Variants in TTC34 observed in about 807,000 individuals in gnomAD.
TTC34 encodes the protein tetratricopeptide repeat protein 34.
In TTC34, 44 loss-of-function variants were observed where a neutral mutation model predicts 40.7. The ratio of observed to expected loss-of-function variants is 1.08; its 90% CI spans 0.85 to 1.39. TTC34 has a LOEUF of 1.39. Ranked by LOEUF, TTC34 falls within the 40% of genes most tolerant of loss-of-function variation. The probability of loss-of-function intolerance (pLI) is 0.00; values close to 1 mark genes in which losing one functional copy is unlikely to be tolerated. For missense variants in TTC34, 884 were observed against 838.0 expected (o/e 1.05, Z -0.68); for synonymous variants, 422 against 398.6 (o/e 1.06, Z -0.70).
At chr1:2,765,766 G>A (rs1321620196) in intron 6 of TTC34, among the ~76,000 whole-genome samples, 2 of 40,454 alleles carry the variant, frequency 4.9e-5, no homozygotes, top group Non-Finnish European at 7.8e-5. Context: ...CCCCAGGTGA[G>A]CATGTGACAG....
exon 9 of TTC34, chr1:2,637,145 G>C (rs967625743): frequency 5.3e-5 from 8 of 152,022 alleles, no homozygotes; most frequent in African/African-American, 1.9e-4. Flanking sequence ...CATGCTGATT[G>C]GCTTCTGATT....
In TTC34 at chr1:2,641,695, A is replaced by C. The variant is rs1264357370; in HGVS notation, c.2913T>G (p.Gly971=). The change falls in exon 9 of 9, where the codon GGT becomes GGG. Residue 971 remains glycine, a synonymous_variant. Transcript: ENST00000401095. ...AGTCCTCTGCCCGCCTTGGGAGGTC[A>C]CCATCCCCCAGCGCCTCCTGGAGCA... is the stretch of plus-strand genomic sequence containing the variant. The C allele has an allele frequency of 9.1e-6, 14 of 1,535,448 alleles. No homozygotes were observed. The East Asian group carries it at 3.4e-4, about 38-fold the overall frequency.
At chr1:2,753,018 C>CGT (rs1641376230) in intron 6 of TTC34, among the ~76,000 whole-genome samples, 1 of 111,822 alleles carries the variant, frequency 8.9e-6, no homozygotes, top group African/African-American at 3.8e-5. Context: ...TCCTCACCTC[C>CGT]AGGTGAGCAT....
chr1:2,767,584 GT>G (rs1641808139), intron 6 of TTC34, among the ~76,000 whole-genome samples: 1 of 122,692 alleles, frequency 8.2e-6, no homozygotes, highest in Non-Finnish European at 1.7e-5. Context: ...GCATCTGACA[GT>G]CTGGAACAGC....
chr1:2,786,711 C>T (rs372044316), intron 4 of TTC34, among the ~76,000 whole-genome samples: 6 of 152,338 alleles, frequency 3.9e-5, no homozygotes, highest in South Asian at 2.1e-4. Flanking sequence ...AAGCCCAGCA[C>T]GGCCAAGTAG....
rs1334281823 is a variant in TTC34 at position 2,641,913 on chromosome 1, AGAGAGGCAGG to A, written c.2713-28_2713-19del. The A allele has an allele frequency of 3.4e-6, 5 of 1,456,884 alleles. No individual in the cohort carries two copies. The East Asian group carries it at 1.0e-4, about 29-fold the overall frequency. The allele number at this position is 1,456,884 out of a possible 1,614,324, so 90.2% of individuals were successfully genotyped here. ...GCCGCCGCCTGCACAGAGGACACAG[AGAGAGGCAGG>A]GAGAGTGGGGTCAGCCCCAAAAGCC... On this transcript the variant is annotated intron_variant, in intron 8 of 8. Transcript: ENST00000401095.
chr1:2,775,504 AC>A (rs1643057443), intron 6 of TTC34: 1 of 147,818 alleles, frequency 6.8e-6, no homozygotes, highest in East Asian at 2.0e-4. Flanking sequence ...CTGAAACAGC[AC>A]CCTCCACCAC....
chr1:2,764,243 C>T (rs1450845534), intron 6 of TTC34, among the ~76,000 whole-genome samples: 5 of 150,110 alleles, frequency 3.3e-5, no homozygotes, highest in African/African-American at 1.2e-4. Flanking sequence ...CATCTGACAG[C>T]CTGGAGCAGC....
chr1:2,644,094 G>T lies in TTC34; in HGVS notation c.2712+170C>A, dbSNP rs117565304. On this transcript the variant is annotated intron_variant, in intron 8 of 8. Coordinates refer to ENST00000401095, the Ensembl canonical transcript of TTC34. ...GGGTTGTAGGGCTAAGGTGGCCAGA[G>T]ACCGTCTTCCTGGGCCAGAAGTGGG... 0.014 allele frequency among the ~76,000 whole-genome samples: 2,097 copies of T among 152,368 alleles called. 23 individuals carry two copies. The highest frequency in any genetic ancestry group is 0.024 in the Admixed American group (361 of 15,308).
intron 6 of TTC34, among the ~76,000 whole-genome samples, chr1:2,653,848 AGC>A: frequency 1.3e-5 from 2 of 149,786 alleles, no homozygotes; most frequent in East Asian, 2.0e-4. Flanking sequence ...CAGCACCCAC[AGC>A]CCAAGGTGAG....
chr1:2,755,802 TG>T (rs1641485539), intron 6 of TTC34, among the ~76,000 whole-genome samples: 1 of 46,326 alleles, frequency 2.2e-5, no homozygotes. Flanking sequence ...GAGCATCTGA[TG>T]GTCTGGAGCA....
intron 6 of TTC34, among the ~76,000 whole-genome samples, chr1:2,749,396 C>G (rs1641243728): frequency 8.5e-6 from 1 of 117,758 alleles, no homozygotes; most frequent in African/African-American, 3.9e-5. Context: ...TGGAACAGCA[C>G]CCTGCACCCC....
At chr1:2,783,542 G>A (rs1643521151) in intron 6 of TTC34, 67 bp downstream of exon 6, 1 of 1,305,416 alleles carries the variant, frequency 7.7e-7, no homozygotes, top group African/African-American at 1.5e-5. Flanking sequence ...CCTTGGGGTG[G>A]AGGAAGGCAG....
At chr1:2,686,607 G>T (rs530959129) in intron 6 of TTC34, among the ~76,000 whole-genome samples, 1 of 151,646 alleles carries the variant, frequency 6.6e-6, no homozygotes, top group African/African-American at 2.4e-5. Context: ...CACACCCCCA[G>T]GCGAGCATCT....
chr1:2,755,559 G>A (rs1641475729), intron 6 of TTC34, among the ~76,000 whole-genome samples: 1 of 105,536 alleles, frequency 9.5e-6, no homozygotes, highest in Non-Finnish European at 1.8e-5. Flanking sequence ...GCGAGCATCT[G>A]AAACCACGGA....
At chr1:2,792,311 T>C (rs1643672896) in intron 2 of TTC34, among the ~76,000 whole-genome samples, 1 of 152,182 alleles carries the variant, frequency 6.6e-6, no homozygotes, top group Admixed American at 6.5e-5. Flanking sequence ...GGTTCCTTTA[T>C]ATGATTTCCA....
At chr1:2,637,062 G>A (rs1048420265) in exon 9 of TTC34, 1 of 152,190 alleles carries the variant, frequency 6.6e-6, no homozygotes, top group African/African-American at 2.4e-5. Context: ...GGTGGTTCCC[G>A]ACCTGAAGTC....
intron 6 of TTC34, among the ~76,000 whole-genome samples, chr1:2,687,227 C>T (rs1341984565): frequency 7.2e-6 from 1 of 139,708 alleles, no homozygotes; most frequent in East Asian, 2.0e-4. Flanking sequence ...ATCCGACAGC[C>T]TGGAGCAGCA....
chr1:2,777,688 T>TTG (rs1491404965), intron 6 of TTC34, among the ~76,000 whole-genome samples: 5 of 120,700 alleles, frequency 4.1e-5, no homozygotes, highest in African/African-American at 1.2e-4. Flanking sequence ...GCAGAGGGCA[T>TTG]GGGGGGGGGG....
Sources: gnomAD v4.1 joint callset for allele counts (sites outside exome capture counted in the v4.1 genomes callset) on GRCh38, gnomAD v4.1.1 for gene constraint, MANE v1.5 for transcripts, NCBI Gene and HGNC (gene_info 2026-07-23, HGNC 2026-07-21) for gene names.